SCGB2B2: variants seen among roughly 807,000 people sequenced by gnomAD.
SCGB2B2 encodes the protein secretoglobin family 2B member 2, also known as secretoglobin-like protein.
Under a neutral mutation model 7.6 loss-of-function variants are expected in SCGB2B2, and 11 were observed. The ratio of observed to expected loss-of-function variants is 1.45; its 90% CI spans 0.91 to 2.40. The LOEUF is 2.40. SCGB2B2 is among the 30% of genes most tolerant of loss of function. SCGB2B2 has a pLI of 0.00. For synonymous variants in SCGB2B2, 50 were observed against 48.6 expected, an observed-to-expected ratio of 1.03 and a Z score of -0.12; for missense variants, 104 against 115.4, an observed-to-expected ratio of 0.90 and a Z score of 0.45.
chr19:34,603,465 A>T (rs936719840), intron 1 of SCGB2B2, among the ~76,000 whole-genome samples: 1 of 152,184 alleles, frequency 6.6e-6, no homozygotes, highest in African/African-American at 2.4e-5. Context: ...TTCAATGTCC[A>T]TACACCACTC....
At chr19:34,637,826 T>G (rs1485728283) in intron 1 of SCGB2B2, 1 of 152,200 alleles carries the variant, frequency 6.6e-6, no homozygotes, top group Admixed American at 6.5e-5. Flanking sequence ...GATGGGCTAT[T>G]TAAAAATTGA....
At chr19:34,647,684 GAC>G (rs1165311160) in intron 1 of SCGB2B2, among the ~76,000 whole-genome samples, 1 of 152,170 alleles carries the variant, frequency 6.6e-6, no homozygotes, top group Non-Finnish European at 1.5e-5. Flanking sequence ...CCCAGAGCCG[GAC>G]ACCCCATGAA....
At chr19:34,653,010 A>C (rs2067199224) in intron 1 of SCGB2B2, among the ~76,000 whole-genome samples, 1 of 151,394 alleles carries the variant, frequency 6.6e-6, no homozygotes, top group Non-Finnish European at 1.5e-5. Flanking sequence ...ATACACAATG[A>C]AATAGGATTT....
chr19:34,608,723 T>C (rs2065851567), intron 1 of SCGB2B2: 1 of 143,416 alleles, frequency 7.0e-6, no homozygotes. Flanking sequence ...TGATGGACAC[T>C]GAGGTTGAGT....
At chr19:34,661,236 A>G (rs1260453488) in intron 1 of SCGB2B2, among the ~76,000 whole-genome samples, 3 of 152,190 alleles carry the variant, frequency 2.0e-5, no homozygotes, top group Non-Finnish European at 4.4e-5. Context: ...ACAAACCTGC[A>G]TGTTATGCAC....
intron 1 of SCGB2B2, among the ~76,000 whole-genome samples, chr19:34,608,202 T>C (rs2065832327): frequency 6.6e-6 from 1 of 152,200 alleles, no homozygotes; most frequent in African/African-American, 2.4e-5. Context: ...TCAAGCATTT[T>C]ATTCTTTTTG....
At chr19:34,671,066 G>A (rs1427335489) in intron 1 of SCGB2B2, among the ~76,000 whole-genome samples, 1 of 152,140 alleles carries the variant, frequency 6.6e-6, no homozygotes, top group Non-Finnish European at 1.5e-5. Context: ...GGGATTACAG[G>A]CACCACCCCT....
intron 1 of SCGB2B2, among the ~76,000 whole-genome samples, chr19:34,650,934 C>T (rs889560153): frequency 7.0e-6 from 1 of 143,872 alleles, no homozygotes; most frequent in Non-Finnish European, 1.5e-5. Flanking sequence ...CCCAGGGATG[C>T]AAGAATGTTT....
chr19:34,598,857 T>C (rs1381475136), intron 1 of SCGB2B2, among the ~76,000 whole-genome samples: 1 of 152,200 alleles, frequency 6.6e-6, no homozygotes, highest in East Asian at 1.9e-4. Context: ...CCCAGTGGTG[T>C]AGATGGGACT....
chr19:34,660,591 G>C (rs1291655807), intron 1 of SCGB2B2, among the ~76,000 whole-genome samples: 1 of 151,244 alleles, frequency 6.6e-6, no homozygotes, highest in East Asian at 1.9e-4. Flanking sequence ...TGAGATACCA[G>C]TTAGAATGGC....
intron 1 of SCGB2B2, among the ~76,000 whole-genome samples, chr19:34,666,720 C>T (rs1449117256): frequency 3.3e-5 from 5 of 152,196 alleles, no homozygotes; most frequent in Non-Finnish European, 7.3e-5. Context: ...CCCTAGTCGG[C>T]CCTGACCCCG....
intron 1 of SCGB2B2, among the ~76,000 whole-genome samples, chr19:34,607,075 C>A (rs539804715): frequency 1.3e-5 from 2 of 152,208 alleles, no homozygotes; most frequent in African/African-American, 4.8e-5. Context: ...CAGGCAACCA[C>A]CATTCTACTC....
intron 1 of SCGB2B2, among the ~76,000 whole-genome samples, chr19:34,624,958 A>G (rs1473197453): frequency 6.6e-6 from 1 of 152,230 alleles, no homozygotes; most frequent in African/African-American, 2.4e-5. Context: ...AGCCTTGGAA[A>G]TGAAAGTACA....
chr19:34,645,683 T>A, intron 1 of SCGB2B2: 1 of 421,140 alleles, frequency 2.4e-6, no homozygotes, highest in Non-Finnish European at 4.8e-6. Context: ...ACCCACCGCC[T>A]GTGCTCTTCT....
At chr19:34,622,997 C>T (rs929792519) in intron 1 of SCGB2B2, among the ~76,000 whole-genome samples, 1 of 151,410 alleles carries the variant, frequency 6.6e-6, no homozygotes, top group Admixed American at 6.6e-5. Context: ...GTGGCTTCTC[C>T]AATATACGCA....
intron 1 of SCGB2B2, among the ~76,000 whole-genome samples, chr19:34,628,841 G>A (rs567396075): frequency 9.2e-5 from 14 of 151,936 alleles, no homozygotes; most frequent in Middle Eastern, 3.4e-3. Context: ...GACCAATATC[G>A]TTGATGAACA....
At position 34,666,652 on chromosome 19, in the gene SCGB2B2, C is replaced by T. The variant is rs1161242604; in HGVS notation, c.-2032+8978G>A. On this transcript the variant is annotated intron_variant, in intron 1 of 3. Coordinates refer to ENST00000601241, the MANE Select transcript of SCGB2B2 (RefSeq NM_001025591.4). ...CCCCCAGGACCCTGAGTTTAAAGAC[C>T]CCATCTCCCCAAATGCCAGAGGGAG... Among the ~76,000 whole-genome samples, 4 of 152,188 alleles carry T rather than the reference C, an allele frequency of 2.6e-5. No individual in the cohort carries two copies. The South Asian group carries it at 8.3e-4, about 31-fold the overall frequency.
At position 34,594,830 on chromosome 19, in the gene SCGB2B2, C is replaced by A; in HGVS notation, c.-267G>T. The A allele has an allele frequency of 2.1e-6, 1 of 480,070 alleles. No homozygotes were observed. The highest frequency in any genetic ancestry group is 3.8e-6 in the Non-Finnish European group (1 of 265,154). The allele number at this position is 480,070 out of a possible 1,614,324, so 29.7% of individuals were successfully genotyped here. On this transcript the variant is annotated 5_prime_UTR_variant, in exon 2 of 4. The change creates a new upstream start codon in the 5' untranslated region. Transcript: ENST00000601241. ...TGGGTGTTGTGACATTCTCTCTGTCCTCCCTGGAGCTCCCTGGGATTGGGA... is the reference window on the plus strand; with the variant it reads ...TGGGTGTTGTGACATTCTCTCTGTCATCCCTGGAGCTCCCTGGGATTGGGA...
intron 1 of SCGB2B2, among the ~76,000 whole-genome samples, chr19:34,666,760 G>A (rs1245234922): frequency 1.3e-5 from 2 of 152,140 alleles, no homozygotes; most frequent in African/African-American, 4.8e-5. Flanking sequence ...GAGCCCTGGC[G>A]TTGCTGGGCC....
Sources: allele counts gnomAD v4.1 joint callset (sites outside exome capture counted in the v4.1 genomes callset), GRCh38; gene constraint gnomAD v4.1.1; transcripts MANE v1.5; gene names NCBI Gene and HGNC (gene_info 2026-07-23, HGNC 2026-07-21).